GRIK3: variants seen among roughly 807,000 people sequenced by gnomAD.
GRIK3 encodes the protein glutamate receptor ionotropic, kainate 3.
A neutral mutation model predicts 102.5 loss-of-function variants in GRIK3; 29 were observed. The ratio of observed to expected loss-of-function variants is 0.28; its 90% CI spans 0.21 to 0.39. The LOEUF is 0.39. Ranked by LOEUF, GRIK3 falls within the 10% of genes least tolerant of loss-of-function variation. The pLI, the probability that GRIK3 is intolerant of heterozygous loss-of-function variation, is 1.00. For missense variants in GRIK3, 908 were observed against 1,252.4 expected (o/e 0.73, Z 4.15); for synonymous variants, 511 against 504.9 (o/e 1.01, Z -0.16).
At chr1:37,030,793 C>G (rs1280933358) in intron 1 of GRIK3, among the ~76,000 whole-genome samples, 2 of 152,072 alleles carry the variant, frequency 1.3e-5, no homozygotes, top group African/African-American at 4.8e-5. Flanking sequence ...ATAACAGTGC[C>G]CGCCAGCCTG....
intron 1 of GRIK3, among the ~76,000 whole-genome samples, chr1:36,919,621 A>G (rs1439761547): frequency 6.6e-6 from 1 of 152,086 alleles, no homozygotes; most frequent in Non-Finnish European, 1.5e-5. Context: ...CCTTCCAGGT[A>G]TCAGTTTTTC....
At chr1:36,904,488 C>T (rs1641265169) in intron 1 of GRIK3, among the ~76,000 whole-genome samples, 1 of 152,034 alleles carries the variant, frequency 6.6e-6, no homozygotes. Context: ...AATAAATGAT[C>T]AAAATACCAT....
At chr1:36,838,043 T>C (rs548003257) in intron 10 of GRIK3, among the ~76,000 whole-genome samples, 2 of 152,256 alleles carry the variant, frequency 1.3e-5, no homozygotes, top group African/African-American at 4.8e-5. Context: ...ACCATCACAT[T>C]TAATCATGGA....
intron 1 of GRIK3, among the ~76,000 whole-genome samples, chr1:36,977,337 T>C (rs1413252034): frequency 2.0e-5 from 3 of 152,208 alleles, no homozygotes; most frequent in African/African-American, 4.8e-5. Flanking sequence ...TGCACTATTA[T>C]ACTAAAGGTT....
intron 1 of GRIK3, among the ~76,000 whole-genome samples, chr1:36,959,355 AGC>A (rs1467327159): frequency 8.2e-6 from 1 of 121,528 alleles, no homozygotes; most frequent in South Asian, 2.9e-4. Context: ...GTGTCCCGTG[AGC>A]CTGTGTGCCC....
chr1:36,890,849 C>T (rs1641104657), intron 2 of GRIK3, 71 bp downstream of exon 2: 3 of 1,277,306 alleles, frequency 2.3e-6, no homozygotes, highest in Non-Finnish European at 2.2e-6. Context: ...TTCCCAGGAT[C>T]TTGGACAGCA....
Position 36,888,775 on chromosome 1 carries a change from C to T in GRIK3, c.292+2145G>A, listed in dbSNP as rs907051035. 7.2e-5 allele frequency among the ~76,000 whole-genome samples: 11 copies of T among 152,230 alleles called. No homozygotes were observed. The East Asian group carries it at 2.1e-3, about 30-fold the overall frequency. On this transcript the variant is annotated intron_variant, in intron 2 of 15. Transcript: ENST00000373091. ...CTCCTCACTCTTTCCCACCATCCTTCAAAACTCAACTCAAACCTCTCCTCC... is the reference window on the plus strand; with the variant it reads ...CTCCTCACTCTTTCCCACCATCCTTTAAAACTCAACTCAAACCTCTCCTCC...
intron 1 of GRIK3, among the ~76,000 whole-genome samples, chr1:37,018,248 C>T (rs951618165): frequency 6.6e-6 from 1 of 152,188 alleles, no homozygotes; most frequent in African/African-American, 2.4e-5. Flanking sequence ...AGGCCTGGTT[C>T]GGTAACACCA....
chr1:36,824,030 C>T (rs1414479448), intron 11 of GRIK3, among the ~76,000 whole-genome samples: 7 of 152,076 alleles, frequency 4.6e-5, no homozygotes, highest in Non-Finnish European at 2.9e-5. Context: ...CTTCCTAGCT[C>T]GGCGGCCAAA....
At chr1:36,925,337 T>C (rs1557427673) in intron 1 of GRIK3, among the ~76,000 whole-genome samples, 1 of 152,240 alleles carries the variant, frequency 6.6e-6, no homozygotes, top group Admixed American at 6.5e-5. Context: ...ACATCCCTCC[T>C]GGCAGAAGTA....
chr1:37,006,905 G>A (rs1030794158), intron 1 of GRIK3, among the ~76,000 whole-genome samples: 1 of 152,232 alleles, frequency 6.6e-6, no homozygotes, highest in Non-Finnish European at 1.5e-5. Context: ...AGGCCAGGGA[G>A]CAAGCTAGTG....
chr1:36,981,983 G>A (rs1228962211), intron 1 of GRIK3, among the ~76,000 whole-genome samples: 1 of 152,126 alleles, frequency 6.6e-6, no homozygotes, highest in Non-Finnish European at 1.5e-5. Flanking sequence ...AACGGGGAGC[G>A]GGAGTGTGGA....
At chr1:36,962,121 C>T (rs1257837821) in intron 1 of GRIK3, among the ~76,000 whole-genome samples, 1 of 152,122 alleles carries the variant, frequency 6.6e-6, no homozygotes, top group Non-Finnish European at 1.5e-5. Flanking sequence ...GAGCACCGGC[C>T]CTGCACAGAC....
Position 36,817,107 on chromosome 1 carries a change from T to C in GRIK3, c.2044A>G (p.Ile682Val), listed in dbSNP as rs1642641110. 2 of 1,613,862 alleles carry C rather than the reference T, an allele frequency of 1.2e-6. No individual in the cohort carries two copies. Among genetic ancestry groups the C allele is most frequent in the Admixed American group, 3.3e-5 (2 of 59,970 alleles). The change falls in exon 13 of 16, where the codon ATC (isoleucine) becomes GTC (valine). Residue 682 changes from isoleucine to valine, a missense_variant. This residue lies in a region of GRIK3 where 297 missense variants were observed against 362.7 expected (regional missense o/e 0.82). Transcript: ENST00000373091. ...CCATCCTTGACAGCCCCATACTCGA[T>C]TTTGGTTTGCTTGGCCAGGTCATCA... is the stretch of plus-strand genomic sequence containing the variant. ...SADDLAKQTK[I>V]EYGAVKDGAT...
In GRIK3 at chr1:36,806,399, C is replaced by A; in HGVS notation, c.2092-73G>T. ...CAGGGACCAAGCACCGCATACCCTG[C>A]ACAACGTGGGTTGGGGCCTTGAACT... is the stretch of plus-strand genomic sequence containing the variant. On this transcript the variant is annotated intron_variant, in intron 13 of 15. Coordinates refer to ENST00000373091, the MANE Select transcript of GRIK3 (RefSeq NM_000831.4). This position sits in a 1 kb window ranked among gnomAD's most constrained non-coding sequence, Gnocchi z 4.0. 2 of 889,438 alleles carry A rather than the reference C, an allele frequency of 2.2e-6. No homozygotes were observed. Among genetic ancestry groups the A allele is most frequent in the East Asian group, 2.6e-5 (1 of 38,642 alleles). The allele number at this position is 889,438 out of a possible 1,614,324, so 55.1% of individuals were successfully genotyped here.
chr1:36,835,249 C>T (rs1640362080), intron 10 of GRIK3, among the ~76,000 whole-genome samples: 1 of 152,214 alleles, frequency 6.6e-6, no homozygotes, highest in Admixed American at 6.5e-5. Flanking sequence ...ATCTCAATGC[C>T]TGCCCAACTG....
At chr1:36,828,633 C>A (rs942834530) in intron 10 of GRIK3, among the ~76,000 whole-genome samples, 6 of 152,122 alleles carry the variant, frequency 3.9e-5, no homozygotes, top group African/African-American at 1.4e-4. Context: ...AGAATGTATT[C>A]CTGTTGTTAA....
At chr1:36,805,719 G>A (rs1179148247) in intron 14 of GRIK3, among the ~76,000 whole-genome samples, 1 of 151,824 alleles carries the variant, frequency 6.6e-6, no homozygotes, top group Non-Finnish European at 1.5e-5. Context: ...GGGAGATCAC[G>A]TGAGGTCGGG....
intron 1 of GRIK3, among the ~76,000 whole-genome samples, chr1:36,966,047 C>T (rs917720620): frequency 3.9e-5 from 6 of 152,220 alleles, no homozygotes; most frequent in East Asian, 1.9e-4. Flanking sequence ...TAGCCCCACC[C>T]GTGACACCTG....
Sources: gnomAD v4.1 joint callset for allele counts (sites outside exome capture counted in the v4.1 genomes callset) on GRCh38, gnomAD v4.1.1 for gene constraint, gnomAD v4.1.1 regional missense constraint, Gnocchi (gnomAD v3.1) non-coding constraint, MANE v1.5 for transcripts, NCBI Gene and HGNC (gene_info 2026-07-23, HGNC 2026-07-21) for gene names.